Variants in GPHN observed in about 807,000 individuals in gnomAD.
GPHN encodes gephyrin.
GPHN carries 17 observed loss-of-function variants against 95.5 expected under a neutral mutation model. That is an observed-to-expected ratio of 0.18 (90% confidence interval 0.12 to 0.27). The LOEUF (loss-of-function observed/expected upper bound fraction) is 0.27. Among genes scored for constraint, GPHN ranks in the 10% least tolerant of loss-of-function variants. GPHN has a pLI of 1.00. For missense variants in GPHN, 660 were observed against 978.1 expected (o/e 0.67, Z 4.34); for synonymous variants, 320 against 322.5 (o/e 0.99, Z 0.08).
At chr14:66,904,586 A>G (rs191540841) in intron 5 of GPHN, among the ~76,000 whole-genome samples, 1 of 152,206 alleles carries the variant, frequency 6.6e-6, no homozygotes, top group East Asian at 1.9e-4. Flanking sequence ...TCCCTGGTTG[A>G]CCCAGGAAGT....
chr14:67,141,296 C>G (rs1331409756), intron 17 of GPHN, among the ~76,000 whole-genome samples: 2 of 152,090 alleles, frequency 1.3e-5, no homozygotes, highest in African/African-American at 4.8e-5. Context: ...CCATTTGGAC[C>G]TTTCATATTT....
intron 1 of GPHN, among the ~76,000 whole-genome samples, chr14:66,665,280 G>A (rs945998671): frequency 2.6e-5 from 4 of 152,042 alleles, no homozygotes; most frequent in Non-Finnish European, 2.9e-5. Flanking sequence ...AAGATAAATC[G>A]AGCTTTATCT....
rs141119901 is a variant in GPHN at position 66,732,662 on chromosome 14, A to G, written c.144-43802A>G. 1.6e-3 allele frequency among the ~76,000 whole-genome samples: 235 copies of G among 150,336 alleles called. 6 individuals carry two copies. In the East Asian group the frequency reaches 0.042, roughly 27 times the overall value. ...CTCCCATGTAGCTGGTACTACAGGC[A>G]CGCACTACCACACCTGGCTAATTTT... On this transcript the variant is annotated intron_variant, in intron 2 of 22. Coordinates refer to ENST00000478722, the MANE Select transcript of GPHN (RefSeq NM_020806.5).
the GPHN span, among the ~76,000 whole-genome samples, chr14:67,620,485 C>G: frequency 6.6e-6 from 1 of 152,066 alleles, no homozygotes; most frequent in Non-Finnish European, 1.5e-5. Context: ...AAGGAGCGAC[C>G]GAGGATTTAA....
chr14:66,992,126 G>C (rs555577293), intron 9 of GPHN, among the ~76,000 whole-genome samples: 1 of 152,150 alleles, frequency 6.6e-6, no homozygotes, highest in East Asian at 1.9e-4. Context: ...ATTTTCATCT[G>C]AATACTCAGT....
At chr14:67,327,694 G>A in the GPHN span, among the ~76,000 whole-genome samples, 1 of 151,988 alleles carries the variant, frequency 6.6e-6, no homozygotes, top group South Asian at 2.1e-4. Flanking sequence ...CTGTGTCCTG[G>A]TGTTCTCATT....
chr14:67,704,818 A>G, the GPHN span, among the ~76,000 whole-genome samples: 2 of 152,210 alleles, frequency 1.3e-5, no homozygotes, highest in African/African-American at 4.8e-5. Flanking sequence ...TCATTGTACC[A>G]CGTAGCCAAG....
intron 1 of GPHN, among the ~76,000 whole-genome samples, chr14:66,598,262 G>A (rs762231823): frequency 6.6e-5 from 10 of 152,158 alleles, no homozygotes; most frequent in African/African-American, 2.2e-4. Context: ...TGCTAAGACA[G>A]TAGATTTTAA....
At chr14:67,632,218 C>T in the GPHN span, among the ~76,000 whole-genome samples, 2 of 152,132 alleles carry the variant, frequency 1.3e-5, no homozygotes, top group Non-Finnish European at 2.9e-5. Context: ...ATTTTTCCTC[C>T]TAACTGCAAA....
chr14:67,393,402 G>A, the GPHN span, among the ~76,000 whole-genome samples: 22,679 of 152,106 alleles, frequency 0.15, 3,193 homozygotes, highest in East Asian at 0.42. Context: ...AATGGCAAGA[G>A]TGATGCCATC....
chr14:67,519,723 T>G, the GPHN span, among the ~76,000 whole-genome samples: 1 of 151,756 alleles, frequency 6.6e-6, no homozygotes, highest in Admixed American at 6.6e-5. Flanking sequence ...TGTTTTTTTT[T>G]TTTTTTACTT....
At chr14:66,840,736 CAAAAAA>C (rs553788734) in intron 4 of GPHN, among the ~76,000 whole-genome samples, 3 of 81,166 alleles carry the variant, frequency 3.7e-5, no homozygotes, top group African/African-American at 1.1e-4. Flanking sequence ...GCAGGCCATA[CAAAAAA>C]AAAAAAAAAA....
At chr14:66,915,847 A>G (rs893657307) in intron 5 of GPHN, among the ~76,000 whole-genome samples, 156 bp from the exon 6 acceptor site, 2 of 152,186 alleles carry the variant, frequency 1.3e-5, no homozygotes, top group African/African-American at 4.8e-5. Context: ...CAGAATGCCT[A>G]ATTTGTATAG....
At chr14:66,943,046 G>C (rs1346379633) in intron 8 of GPHN, among the ~76,000 whole-genome samples, 1 of 152,096 alleles carries the variant, frequency 6.6e-6, no homozygotes, top group Non-Finnish European at 1.5e-5. Flanking sequence ...TCATTTCAAT[G>C]CTCAGTTCAC....
intron 6 of GPHN, among the ~76,000 whole-genome samples, chr14:66,917,902 A>G (rs1266508813): frequency 2.0e-5 from 3 of 152,176 alleles, no homozygotes; most frequent in Non-Finnish European, 4.4e-5. Flanking sequence ...TATTTCAGTG[A>G]GTCAGGGTCT....
intron 5 of GPHN, among the ~76,000 whole-genome samples, chr14:66,889,969 AGTACAGC>A (rs2064390339): frequency 6.6e-6 from 1 of 152,168 alleles, no homozygotes; most frequent in Non-Finnish European, 1.5e-5. Context: ...GGACTAGAAG[AGTACAGC>A]GTAACAATTA....
At chr14:67,545,631 T>C in the GPHN span, among the ~76,000 whole-genome samples, 1,098 of 152,328 alleles carry the variant, frequency 7.2e-3, 14 homozygotes, top group African/African-American at 0.025. Flanking sequence ...CATTGATGTA[T>C]GAAAATTTGG....
chr14:67,436,803 C>T, the GPHN span, among the ~76,000 whole-genome samples: 3 of 152,198 alleles, frequency 2.0e-5, no homozygotes, highest in South Asian at 4.1e-4. Context: ...CGCTTGTCAT[C>T]CCAGCACTTT....
chr14:67,665,728 G>C, the GPHN span, among the ~76,000 whole-genome samples: 2 of 152,164 alleles, frequency 1.3e-5, no homozygotes, highest in Non-Finnish European at 2.9e-5. Context: ...GCTACTGCCT[G>C]AAAGGGCAAA....
Sources: gnomAD v4.1 joint callset for allele counts (sites outside exome capture counted in the v4.1 genomes callset) on GRCh38, gnomAD v4.1.1 for gene constraint, MANE v1.5 for transcripts, NCBI Gene and HGNC (gene_info 2026-07-23, HGNC 2026-07-21) for gene names.